SHANK2: variants seen among roughly 807,000 people sequenced by gnomAD.
SHANK2 encodes SH3 and multiple ankyrin repeat domains protein 2.
SHANK2 carries 43 observed loss-of-function variants against 133.7 expected under a neutral mutation model. The observed-to-expected ratio is 0.32, with a 90% CI of 0.25 to 0.41. The LOEUF (loss-of-function observed/expected upper bound fraction) is 0.41, where lower values mean the gene tolerates loss of function less well. Among genes scored for constraint, SHANK2 ranks in the 10% least tolerant of loss-of-function variants. The probability of loss-of-function intolerance (pLI) is 1.00; values close to 1 mark genes in which losing one functional copy is unlikely to be tolerated. For missense variants in SHANK2, 1,994 were observed against 2,235.8 expected (o/e 0.89, Z 2.18); for synonymous variants, 1,017 against 952.8 (o/e 1.07, Z -1.24).
chr11:70,865,431 A>T (rs1555068818), intron 11 of SHANK2, among the ~76,000 whole-genome samples: 1 of 152,218 alleles, frequency 6.6e-6, no homozygotes, highest in African/African-American at 2.4e-5. Context: ...GGAGAAGAAT[A>T]CAATGGGCCC....
chr11:71,143,316 AAC>A (rs1555106116), intron 3 of SHANK2, among the ~76,000 whole-genome samples: 1 of 152,214 alleles, frequency 6.6e-6, no homozygotes. Context: ...ACATTTTCAA[AAC>A]ACAGCCAATC....
chr11:70,596,488 C>T (rs1565162603), intron 17 of SHANK2, among the ~76,000 whole-genome samples: 1 of 152,228 alleles, frequency 6.6e-6, no homozygotes, highest in Non-Finnish European at 1.5e-5. Flanking sequence ...GAAGGGGCAT[C>T]AGGGTCCTGG....
chr11:70,560,483 GTTTTTTTTTTT>G (rs61143133), intron 17 of SHANK2, among the ~76,000 whole-genome samples: 3 of 95,988 alleles, frequency 3.1e-5, no homozygotes, highest in South Asian at 4.3e-4. Flanking sequence ...CCCCAGTAGG[GTTTTTTTTTTT>G]TTTTTTTTTT....
At chr11:70,903,195 G>A (rs1217909207) in intron 10 of SHANK2, among the ~76,000 whole-genome samples, 1 of 151,844 alleles carries the variant, frequency 6.6e-6, no homozygotes, top group East Asian at 1.9e-4. Flanking sequence ...TTCCCAACAC[G>A]GTGAATCCCC....
At chr11:71,203,798 G>A (rs1178089486) in intron 2 of SHANK2, among the ~76,000 whole-genome samples, 1 of 152,174 alleles carries the variant, frequency 6.6e-6, no homozygotes, top group Non-Finnish European at 1.5e-5. Context: ...TCAGGGGCCT[G>A]GGGACTAAGG....
intron 14 of SHANK2, among the ~76,000 whole-genome samples, chr11:70,703,290 C>A (rs1945581073): frequency 6.6e-6 from 1 of 152,244 alleles, no homozygotes; most frequent in Admixed American, 6.5e-5. Context: ...CAGGAAGTGG[C>A]AGAGCCCATT....
At chr11:70,510,398 C>T (rs1339033079) in intron 17 of SHANK2, among the ~76,000 whole-genome samples, 2 of 152,216 alleles carry the variant, frequency 1.3e-5, no homozygotes, top group Admixed American at 6.5e-5. Flanking sequence ...AGCCCTCCCG[C>T]GCTCATGCTT....
At chr11:70,943,729 A>G (rs966640331) in intron 10 of SHANK2, among the ~76,000 whole-genome samples, 2 of 152,166 alleles carry the variant, frequency 1.3e-5, no homozygotes, top group Non-Finnish European at 2.9e-5. Context: ...TTCTCTAAAC[A>G]AATGAAATTT....
chr11:70,874,324 C>CT (rs1949521396), intron 11 of SHANK2, among the ~76,000 whole-genome samples: 1 of 152,076 alleles, frequency 6.6e-6, no homozygotes. Flanking sequence ...TGTAATCTAT[C>CT]TATCTATCCA....
At chr11:70,933,062 A>T in intron 10 of SHANK2, 1 of 450,034 alleles carries the variant, frequency 2.2e-6, no homozygotes, top group Non-Finnish European at 4.5e-6. Context: ...GTATTTGCAC[A>T]CTCATGTCCA....
In SHANK2 at chr11:71,155,380, G is replaced by C. The variant is rs544867803; in HGVS notation, c.-12-8042C>G. ...ACCTACCCCAGCCCACGCTCCCAGA[G>C]GGGTGGACCTACCCCCGCCCACGCT... On this transcript the variant is annotated intron_variant, in intron 2 of 25. Transcript: ENST00000601538. Among the ~76,000 whole-genome samples the C allele has an allele frequency of 2.6e-4, 35 of 136,226 alleles. No homozygotes were observed. In the East Asian group the frequency reaches 7.2e-3, roughly 28 times the overall value. The allele number at this position is 136,226 out of a possible 152,430, so 89.4% of individuals were successfully genotyped here. A position where few individuals can be genotyped will look rare whatever the true frequency, so the allele number is the denominator to read the frequency against.
At chr11:71,061,971 C>CTTTTT (rs1216736346) in intron 9 of SHANK2, among the ~76,000 whole-genome samples, 1,436 of 109,442 alleles carry the variant, frequency 0.013, no homozygotes, top group Non-Finnish European at 0.019. Flanking sequence ...GTCTTTCTTT[C>CTTTTT]TTTTTTTTTT....
intron 17 of SHANK2, among the ~76,000 whole-genome samples, chr11:70,563,658 C>G (rs555253559): frequency 6.6e-6 from 1 of 151,582 alleles, no homozygotes. Context: ...CCTGCCTCAG[C>G]CTCCTGAGTA....
intron 12 of SHANK2, among the ~76,000 whole-genome samples, chr11:70,811,047 T>C (rs1413485112): frequency 2.0e-5 from 3 of 151,866 alleles, no homozygotes; most frequent in African/African-American, 7.3e-5. Flanking sequence ...GCAGGTGGAG[T>C]GGCTGCAGGT....
chr11:70,846,501 C>T (rs1948999604), intron 11 of SHANK2, among the ~76,000 whole-genome samples: 1 of 152,132 alleles, frequency 6.6e-6, no homozygotes, highest in Non-Finnish European at 1.5e-5. Flanking sequence ...AGCGATCCTC[C>T]CACCTTGGCC....
chr11:71,120,548 C>T (rs1432535159), intron 3 of SHANK2, among the ~76,000 whole-genome samples: 1 of 152,124 alleles, frequency 6.6e-6, no homozygotes, highest in African/African-American at 2.4e-5. Flanking sequence ...TCCTCCCTGC[C>T]AGGAAACCTG....
chr11:70,812,428 T>C (rs755850), intron 12 of SHANK2, among the ~76,000 whole-genome samples: 51,059 of 152,048 alleles, frequency 0.34, 9,796 homozygotes, highest in African/African-American at 0.52. Flanking sequence ...AGGTGAAAAC[T>C]TTTGTCCCCA....
At chr11:70,840,228 C>T (rs1948882232) in intron 11 of SHANK2, among the ~76,000 whole-genome samples, 1 of 152,192 alleles carries the variant, frequency 6.6e-6, no homozygotes, top group African/African-American at 2.4e-5. Context: ...TGTCCCGACT[C>T]CTGGACAGGG....
At chr11:71,082,727 G>A (rs1305897438) in intron 8 of SHANK2, among the ~76,000 whole-genome samples, 4 of 152,234 alleles carry the variant, frequency 2.6e-5, no homozygotes, top group African/African-American at 7.2e-5. Flanking sequence ...GCAGGGGGCA[G>A]CCTGGAGCAG....
Sources: gnomAD v4.1 joint callset for allele counts (sites outside exome capture counted in the v4.1 genomes callset) on GRCh38, gnomAD v4.1.1 for gene constraint, MANE v1.5 for transcripts, NCBI Gene and HGNC (gene_info 2026-07-23, HGNC 2026-07-21) for gene names.